The following KANSL1 variants were observed in gnomAD, a reference collection of about 807,000 sequenced individuals.
KANSL1 encodes MLL1/MLL complex subunit KANSL1.
KANSL1 carries 22 observed loss-of-function variants against 103.6 expected under a neutral mutation model. That is an observed-to-expected ratio of 0.21 (90% CI 0.15 to 0.30). The LOEUF (loss-of-function observed/expected upper bound fraction) is 0.30. Ranked by LOEUF, KANSL1 falls within the 10% of genes least tolerant of loss-of-function variation. The probability of loss-of-function intolerance (pLI) is 1.00; values close to 1 mark genes in which losing one functional copy is unlikely to be tolerated. For missense variants in KANSL1, 1,337 were observed against 1,399.8 expected (o/e 0.96, Z 0.72); for synonymous variants, 600 against 527.6 (o/e 1.14, Z -1.88).
At chr17:46,146,282 A>T (rs542462168) in intron 2 of KANSL1, among the ~76,000 whole-genome samples, 33 of 152,342 alleles carry the variant, frequency 2.2e-4, no homozygotes, top group African/African-American at 7.5e-4. Context: ...GATCCTCTTT[A>T]AAAACCACAG....
chr17:46,214,355 C>T, intron 1 of KANSL1, among the ~76,000 whole-genome samples: 1 of 152,128 alleles, frequency 6.6e-6, no homozygotes, highest in Non-Finnish European at 1.5e-5. Context: ...TAAGTGCCAT[C>T]AAGAGCAAGC....
chr17:46,208,071 A>G (rs2048031728), intron 1 of KANSL1, among the ~76,000 whole-genome samples: 1 of 152,060 alleles, frequency 6.6e-6, no homozygotes, highest in Non-Finnish European at 1.5e-5. Flanking sequence ...AGATCACACC[A>G]CTGCACTCCA....
At chr17:46,179,795 G>A (rs948016803) in intron 1 of KANSL1, among the ~76,000 whole-genome samples, 21 of 152,224 alleles carry the variant, frequency 1.4e-4, no homozygotes, top group African/African-American at 5.1e-4. Context: ...TGGGCCGGGC[G>A]CAGTGACTCA....
At chr17:46,187,964 TAAA>T (rs1326886291) in intron 1 of KANSL1, among the ~76,000 whole-genome samples, 1 of 152,222 alleles carries the variant, frequency 6.6e-6, no homozygotes, top group Non-Finnish European at 1.5e-5. Context: ...AAATGCTTAA[TAAA>T]AAAAAATATA....
At chr17:46,175,714 G>C (rs999327743) in intron 1 of KANSL1, among the ~76,000 whole-genome samples, 3 of 152,152 alleles carry the variant, frequency 2.0e-5, no homozygotes, top group African/African-American at 7.2e-5. Flanking sequence ...CACTCTTTAT[G>C]AACTAGATTT....
intron 2 of KANSL1, among the ~76,000 whole-genome samples, chr17:46,163,167 T>C (rs1374438953): frequency 1.3e-5 from 2 of 152,250 alleles, no homozygotes; most frequent in East Asian, 1.9e-4. Flanking sequence ...CTAATCTATA[T>C]TCCCCATGAG....
intron 4 of KANSL1, among the ~76,000 whole-genome samples, chr17:46,078,674 TGTTGA>T (rs1211720284): frequency 3.3e-4 from 50 of 152,248 alleles, no homozygotes; most frequent in Non-Finnish European, 2.9e-5. Flanking sequence ...TTGCTGACAT[TGTTGA>T]GTAATTTACC....
intron 2 of KANSL1, among the ~76,000 whole-genome samples, chr17:46,141,867 G>A (rs1331586286): frequency 6.6e-6 from 1 of 152,192 alleles, no homozygotes. Context: ...ACGCTCTGAT[G>A]AATTAAAAGG....
intron 2 of KANSL1, among the ~76,000 whole-genome samples, chr17:46,149,004 C>CTTTT (rs77731269): frequency 8.2e-6 from 1 of 121,290 alleles, no homozygotes; most frequent in Non-Finnish European, 1.6e-5. Context: ...CTCTTTTTTT[C>CTTTT]TTTTTTTTTT....
intron 4 of KANSL1, among the ~76,000 whole-genome samples, chr17:46,072,003 G>T (rs944496317): frequency 7.0e-6 from 1 of 143,462 alleles, no homozygotes; most frequent in Non-Finnish European, 1.5e-5. Flanking sequence ...CGCCCCGATT[G>T]AAAGGGCCAG....
chr17:46,149,706 AT>A (rs1454993884), intron 2 of KANSL1, among the ~76,000 whole-genome samples: 1 of 152,200 alleles, frequency 6.6e-6, no homozygotes, highest in Non-Finnish European at 1.5e-5. Context: ...GTGATTTCTG[AT>A]TTAAAAGTCA....
chr17:46,201,606 T>G (rs936991355), intron 1 of KANSL1, among the ~76,000 whole-genome samples: 1 of 152,048 alleles, frequency 6.6e-6, no homozygotes, highest in African/African-American at 2.4e-5. Context: ...TTGTGGTAGC[T>G]CATGCCTGTA....
chr17:46,046,384 A>C (rs550562744), intron 7 of KANSL1, among the ~76,000 whole-genome samples: 61 of 151,686 alleles, frequency 4.0e-4, no homozygotes, highest in African/African-American at 1.4e-3. Flanking sequence ...AAATGCAAAA[A>C]ATTAGCCAGG....
At chr17:46,053,470 CA>C (rs71363566) in intron 6 of KANSL1, among the ~76,000 whole-genome samples, 143,572 of 151,598 alleles carry the variant, frequency 0.95, 67,988 homozygotes, top group East Asian at 1. Context: ...TTTTTTGAGA[CA>C]AGAGTCTTGC....
upstream of KANSL1, among the ~76,000 whole-genome samples, chr17:46,198,016 G>A (rs572858965): frequency 9.0e-4 from 137 of 152,330 alleles, no homozygotes; most frequent in Non-Finnish European, 1.5e-3. Flanking sequence ...AAGTTCTAAA[G>A]CCTAGGCCAT....
intron 2 of KANSL1, among the ~76,000 whole-genome samples, chr17:46,122,282 T>C (rs947338130): frequency 6.6e-6 from 1 of 152,246 alleles, no homozygotes; most frequent in African/African-American, 2.4e-5. Context: ...ACTAGCCTGC[T>C]GCCTTCGGGA....
chr17:46,059,354 C>T (rs990110763), intron 6 of KANSL1, among the ~76,000 whole-genome samples: 5 of 152,036 alleles, frequency 3.3e-5, no homozygotes. Flanking sequence ...CACAGTGGCT[C>T]ACACCTGTAA....
intron 2 of KANSL1, among the ~76,000 whole-genome samples, chr17:46,133,267 G>C (rs1429619447): frequency 1.3e-5 from 2 of 152,158 alleles, no homozygotes; most frequent in African/African-American, 4.8e-5. Context: ...CTGAGGGAAC[G>C]ATACCAAGCA....
intron 6 of KANSL1, among the ~76,000 whole-genome samples, chr17:46,058,739 ACACACTCTCTCTCT>A (rs773910737): frequency 9.6e-3 from 288 of 30,056 alleles, no homozygotes; most frequent in African/African-American, 0.012. Flanking sequence ...ACACACACAC[ACACACTCTCTCTCT>A]CTCTCTCTCT....
Sources: allele counts gnomAD v4.1 joint callset (sites outside exome capture counted in the v4.1 genomes callset), GRCh38; gene constraint gnomAD v4.1.1; transcripts MANE v1.5; gene names NCBI Gene and HGNC (gene_info 2026-07-23, HGNC 2026-07-21).